Variants in FGF13 observed in about 807,000 individuals in gnomAD.
FGF13 encodes the protein fibroblast growth factor homologous factor 2.
A neutral mutation model predicts 19.5 loss-of-function variants in FGF13; 2 were observed. The ratio of observed to expected loss-of-function variants is 0.10; its 90% CI spans 0.04 to 0.32. The LOEUF (loss-of-function observed/expected upper bound fraction) is 0.32. Among genes scored for constraint, FGF13 ranks in the 10% least tolerant of loss-of-function variants. The probability of loss-of-function intolerance (pLI) is 1.00; values close to 1 mark genes in which losing one functional copy is unlikely to be tolerated. For synonymous variants in FGF13, 72 were observed against 76.9 expected (o/e 0.94, Z 0.33); for missense variants, 113 against 192.7 (o/e 0.59, Z 2.45).
At chrX:138,917,772 G>A (rs2091624731) in intron 1 of FGF13, among the ~76,000 whole-genome samples, 1 of 111,048 alleles carries the variant, frequency 9.0e-6, no homozygotes, top group African/African-American at 3.3e-5. Context: ...TTTGCTACAG[G>A]CAACATCTGG....
chrX:139,168,940 T>C (rs2084108137), intron 1 of FGF13, among the ~76,000 whole-genome samples: 1 of 112,506 alleles, frequency 8.9e-6, no homozygotes, highest in Admixed American at 9.4e-5. Context: ...ATATGAAGTC[T>C]GAAGTTACTG....
At chrX:138,995,277 A>G (rs1360141574) in intron 1 of FGF13, among the ~76,000 whole-genome samples, 1 of 111,510 alleles carries the variant, frequency 9.0e-6, no homozygotes, top group Non-Finnish European at 1.9e-5. Context: ...TGGATTGAGT[A>G]CTTATTTTAT....
At chrX:139,108,114 CTGTT>C in intron 1 of FGF13, among the ~76,000 whole-genome samples, 1 of 112,223 alleles carries the variant, frequency 8.9e-6, no homozygotes, top group African/African-American at 3.2e-5. Context: ...TGATGGAACA[CTGTT>C]TGCCTTTGAC....
rs773890320 is a variant in FGF13 at position 138,987,800 on chromosome X, A to G, written c.-112-123150T>C. On this transcript the variant is annotated intron_variant, in intron 1 of 2. Transcript: ENST00000421460. Reference sequence around the variant, plus strand: ...GCTTTTGGCTATAAAATACATGTACATTTTGATGATAAACTAAGCATATAT... The same window carrying G: ...GCTTTTGGCTATAAAATACATGTACGTTTTGATGATAAACTAAGCATATAT... Among the ~76,000 whole-genome samples the G allele has an allele frequency of 1.8e-4, 20 of 111,978 alleles. 1 individual carries two copies. The highest frequency in any genetic ancestry group is 6.5e-4 in the African/African-American group (20 of 30,875).
At chrX:139,133,313 G>A (rs1255229915) in intron 1 of FGF13, among the ~76,000 whole-genome samples, 2 of 101,731 alleles carry the variant, frequency 2.0e-5, no homozygotes, top group Non-Finnish European at 4.0e-5. Flanking sequence ...GAGCCTGGAG[G>A]AGGCTCAGTA....
rs2089011213 is a variant in FGF13, at chrX:138,621,004, C to T, written c.*11846G>A. 9.0e-6 allele frequency: 1 copy of T among 111,406 alleles called. No individual in the cohort carries two copies. The highest frequency in any genetic ancestry group is 3.3e-5 in the African/African-American group (1 of 30,674). The allele number at this position is 111,406 out of a possible 1,213,427, so 9.2% of individuals were successfully genotyped here. On this transcript the variant is annotated 3_prime_UTR_variant, in exon 5 of 5. Transcript: ENST00000315930. ...TAAAGCAGGTATTAATAGATATGAACAGGAAATATAGACTGTAATAGTATA... is the reference window on the plus strand; with the variant it reads ...TAAAGCAGGTATTAATAGATATGAATAGGAAATATAGACTGTAATAGTATA...
At chrX:138,867,801 C>CTATT (rs1275768079) in intron 1 of FGF13, among the ~76,000 whole-genome samples, 2 of 102,625 alleles carry the variant, frequency 1.9e-5, no homozygotes, top group Non-Finnish European at 4.0e-5. Context: ...ATCTATCTAT[C>CTATT]TATCTATCTA....
intron 1 of FGF13, among the ~76,000 whole-genome samples, chrX:139,006,904 CT>C (rs1184731070): frequency 7.2e-5 from 8 of 110,773 alleles, no homozygotes; most frequent in Non-Finnish European, 1.3e-4. Flanking sequence ...ATCATCTTCC[CT>C]AAAAGGAAGA....
Position 138,802,540 on chromosome X carries a change from C to T in FGF13, c.217+54972G>A, listed in dbSNP as rs146565097. ...GCAGACTGGAGCTGTTCCTATTTGG[C>T]CAACTTGCCAGATGTCCTAAAAGGA... On this transcript the variant is annotated intron_variant, in intron 3 of 6. Transcript: ENST00000436198. Among the ~76,000 whole-genome samples, 952 of 111,669 alleles carry T rather than the reference C, an allele frequency of 8.5e-3. 7 individuals are homozygous for T. Among genetic ancestry groups the T allele is most frequent in the African/African-American group, 0.029 (898 of 30,704 alleles).
intron 3 of FGF13, among the ~76,000 whole-genome samples, chrX:138,747,576 T>C (rs756208985): frequency 4.5e-5 from 5 of 111,957 alleles, no homozygotes; most frequent in Non-Finnish European, 7.5e-5. Context: ...TTTCCCACAG[T>C]AGCTACTAAG....
intron 3 of FGF13, among the ~76,000 whole-genome samples, chrX:138,669,948 G>C (rs1235964847): frequency 9.0e-6 from 1 of 111,565 alleles, no homozygotes; most frequent in African/African-American, 3.3e-5. Context: ...GAGTGGGTGG[G>C]AAGTTCTACA....
intron 1 of FGF13, among the ~76,000 whole-genome samples, chrX:139,001,952 A>G (rs184267175): frequency 9.8e-4 from 110 of 112,250 alleles, no homozygotes; most frequent in Middle Eastern, 4.7e-3. Context: ...ATGCCCATCA[A>G]TGATAGACTG....
chrX:139,062,181 A>T (rs2092338577), intron 1 of FGF13, among the ~76,000 whole-genome samples: 1 of 110,911 alleles, frequency 9.0e-6, no homozygotes, highest in Non-Finnish European at 1.9e-5. Flanking sequence ...TTCCTCTAGT[A>T]GTTTCGTGGT....
Position 138,625,663 on chromosome X carries a change from A to G in FGF13, c.*7187T>C, listed in dbSNP as rs2089056434. 9.3e-6 allele frequency: 1 copy of G among 107,553 alleles called. No homozygotes were observed. Among genetic ancestry groups the G allele is most frequent in the Non-Finnish European group, 1.9e-5 (1 of 52,212 alleles). The allele number at this position is 107,553 out of a possible 1,213,427, so 8.9% of individuals were successfully genotyped here. ...AAAAATGCTACATGACATCCTTTGT[A>G]TAAAAAGAATCTTAAAAAGTTGAAC... On this transcript the variant is annotated 3_prime_UTR_variant, in exon 5 of 5. Transcript: ENST00000315930.
upstream of FGF13, among the ~76,000 whole-genome samples, chrX:138,713,322 A>C (rs1327972097): frequency 8.9e-6 from 1 of 112,204 alleles, no homozygotes; most frequent in African/African-American, 3.2e-5. Context: ...GCTATTTCCT[A>C]GTTCAAAATG....
intron 1 of FGF13, among the ~76,000 whole-genome samples, chrX:138,872,534 C>T (rs891324770): frequency 8.9e-6 from 1 of 112,311 alleles, no homozygotes; most frequent in African/African-American, 3.2e-5. Flanking sequence ...TCAGCCTAAG[C>T]TCTACTCCTT....
At chrX:138,940,178 G>A (rs757207602) in intron 1 of FGF13, among the ~76,000 whole-genome samples, 4 of 111,603 alleles carry the variant, frequency 3.6e-5, no homozygotes, top group Non-Finnish European at 5.6e-5. Flanking sequence ...TAGTGATGGT[G>A]AGCTTTTTTT....
At chrX:138,845,774 C>T (rs1363385902) in intron 3 of FGF13, among the ~76,000 whole-genome samples, 1 of 111,871 alleles carries the variant, frequency 8.9e-6, no homozygotes, top group East Asian at 2.8e-4. Flanking sequence ...TAGAGATTTA[C>T]TGAATTAGTT....
chrX:138,715,624 C>G (rs754892562), upstream of FGF13, among the ~76,000 whole-genome samples: 2 of 112,111 alleles, frequency 1.8e-5, no homozygotes, highest in African/African-American at 6.5e-5. Flanking sequence ...CCTTTTGGCT[C>G]TGGGAGCCTA....
Sources: gnomAD v4.1 joint callset for allele counts (sites outside exome capture counted in the v4.1 genomes callset) on GRCh38, gnomAD v4.1.1 for gene constraint, MANE v1.5 for transcripts, NCBI Gene and HGNC (gene_info 2026-07-23, HGNC 2026-07-21) for gene names.